Variants in CTNNA2 observed in about 807,000 individuals in gnomAD.
The protein encoded by CTNNA2 is catenin alpha 2.
A neutral mutation model predicts 101.0 loss-of-function variants in CTNNA2; 42 were observed. The ratio of observed to expected loss-of-function variants is 0.42; its 90% CI spans 0.32 to 0.54. The LOEUF is 0.54. Ranked by LOEUF, CTNNA2 falls within the 20% of genes least tolerant of loss-of-function variation. The probability of loss-of-function intolerance (pLI) is 0.14; values close to 1 mark genes in which losing one functional copy is unlikely to be tolerated. For synonymous variants in CTNNA2, 450 were observed against 456.4 expected, an observed-to-expected ratio of 0.99 and a Z score of 0.18; for missense variants, 871 against 1,223.1, an observed-to-expected ratio of 0.71 and a Z score of 4.29.
At chr2:80,494,310 G>A (rs994136796) in intron 9 of CTNNA2, among the ~76,000 whole-genome samples, 5 of 152,178 alleles carry the variant, frequency 3.3e-5, no homozygotes, top group Admixed American at 6.5e-5. Flanking sequence ...CACTGGACAG[G>A]AAGCACACAG....
At chr2:80,021,914 A>T (rs12473233) in intron 7 of CTNNA2, among the ~76,000 whole-genome samples, 38,608 of 152,080 alleles carry the variant, frequency 0.25, 6,000 homozygotes, top group East Asian at 0.67. Context: ...CTTTACATTA[A>T]TGAATTACTT....
chr2:80,448,938 A>T (rs939193676), intron 9 of CTNNA2, among the ~76,000 whole-genome samples: 3 of 151,948 alleles, frequency 2.0e-5, no homozygotes, highest in African/African-American at 4.8e-5. Context: ...AGGCATTCAC[A>T]CTCAAATTTC....
chr2:80,142,868 C>T (rs1169589010), intron 7 of CTNNA2, among the ~76,000 whole-genome samples: 1 of 151,100 alleles, frequency 6.6e-6, no homozygotes, highest in Non-Finnish European at 1.5e-5. Flanking sequence ...TAACAAAGGG[C>T]CATTGGATCA....
chr2:79,380,831 A>G (rs1325933970), intron 4 of CTNNA2, among the ~76,000 whole-genome samples: 2 of 152,176 alleles, frequency 1.3e-5, no homozygotes, highest in Non-Finnish European at 2.9e-5. Context: ...TTCTGCTATA[A>G]CATTGCTGTA....
intron 2 of CTNNA2, among the ~76,000 whole-genome samples, chr2:79,290,447 G>A (rs1675770266): frequency 6.6e-6 from 1 of 152,046 alleles, no homozygotes; most frequent in Non-Finnish European, 1.5e-5. Context: ...GGTGAGGACG[G>A]GCACTCCTGC....
At chr2:79,683,805 G>A (rs778095464) in intron 2 of CTNNA2, among the ~76,000 whole-genome samples, 11 of 152,206 alleles carry the variant, frequency 7.2e-5, no homozygotes, top group Non-Finnish European at 1.0e-4. Flanking sequence ...ACAGGCAAAG[G>A]CAACCAAGTC....
upstream of CTNNA2, among the ~76,000 whole-genome samples, chr2:79,509,983 G>A (rs1010873257): frequency 1.3e-5 from 2 of 152,228 alleles, no homozygotes; most frequent in Admixed American, 6.5e-5. Flanking sequence ...GGAGCTGACA[G>A]ACTGAATTAG....
chr2:80,046,931 A>G (rs1026163084), intron 7 of CTNNA2, among the ~76,000 whole-genome samples: 14 of 152,180 alleles, frequency 9.2e-5, no homozygotes, highest in African/African-American at 1.4e-4. Flanking sequence ...GATCAGCTGG[A>G]TAATTATTTT....
intron 14 of CTNNA2, among the ~76,000 whole-genome samples, chr2:80,587,038 T>G (rs1281828742): frequency 6.6e-6 from 1 of 152,114 alleles, no homozygotes; most frequent in Non-Finnish European, 1.5e-5. Context: ...AGTGGGTAAG[T>G]TGCATGGCCA....
intron 7 of CTNNA2, 74 bp from the exon 8 acceptor site, chr2:80,393,137 C>A: frequency 1.8e-6 from 2 of 1,122,900 alleles, no homozygotes; most frequent in Non-Finnish European, 2.5e-6. Context: ...TCATGTTTTC[C>A]TGATTTTTTT....
intron 8 of CTNNA2, among the ~76,000 whole-genome samples, chr2:80,393,863 G>T (rs752426141): frequency 2.6e-5 from 4 of 152,128 alleles, no homozygotes; most frequent in African/African-American, 7.2e-5. Context: ...AGAAATCTCC[G>T]GTCAGGGCCC....
At chr2:80,479,042 T>C (rs1685947203) in intron 9 of CTNNA2, among the ~76,000 whole-genome samples, 1 of 151,900 alleles carries the variant, frequency 6.6e-6, no homozygotes, top group Non-Finnish European at 1.5e-5. Context: ...GTGTCATCTA[T>C]AATTTCTTTC....
rs149986378 is a variant in CTNNA2, at chr2:79,809,425, A to G, written c.299-48588A>G. On this transcript the variant is annotated intron_variant, in intron 3 of 18. Coordinates refer to ENST00000402739, the MANE Select transcript of CTNNA2 (RefSeq NM_001282597.3). ...CCACTAACAGTGTAAAAGCATTCCT[A>G]TTTCTCCACATCCGCTCCAGCATCT... 2.1e-3 allele frequency among the ~76,000 whole-genome samples: 320 copies of G among 152,258 alleles called. 1 individual carries two copies. Among genetic ancestry groups the G allele is most frequent in the African/African-American group, 7.4e-3 (309 of 41,550 alleles).
chr2:79,580,713 G>T (rs981918784), intron 1 of CTNNA2, among the ~76,000 whole-genome samples: 1 of 152,124 alleles, frequency 6.6e-6, no homozygotes. Flanking sequence ...AATGTATGAA[G>T]ACAAGTGATC....
chr2:79,777,873 A>G (rs1263777183), intron 3 of CTNNA2, among the ~76,000 whole-genome samples: 1 of 150,758 alleles, frequency 6.6e-6, no homozygotes, highest in East Asian at 1.9e-4. Flanking sequence ...TCCACCAGTC[A>G]TAGATTTATT....
chr2:79,205,092 T>C (rs1001451079), intron 2 of CTNNA2, among the ~76,000 whole-genome samples: 2 of 152,242 alleles, frequency 1.3e-5, no homozygotes, highest in Admixed American at 1.3e-4. Context: ...GAAGCAGCAC[T>C]GCTGAATTAT....
chr2:80,577,814 C>T (rs1468155169), intron 13 of CTNNA2, among the ~76,000 whole-genome samples: 7 of 150,668 alleles, frequency 4.6e-5, no homozygotes, highest in Non-Finnish European at 2.9e-5. Context: ...GCTCTCCTGC[C>T]AACCTATATT....
At chr2:79,325,445 G>A (rs919819605) in intron 3 of CTNNA2, among the ~76,000 whole-genome samples, 11 of 152,066 alleles carry the variant, frequency 7.2e-5, no homozygotes, top group Non-Finnish European at 7.4e-5. Flanking sequence ...ATAGCATTTC[G>A]GGATTTCTTC....
chr2:79,850,406 TCTCCTTCTCTCC>T lies in CTNNA2; in HGVS notation c.299-7602_299-7591del, dbSNP rs199601527. Among the ~76,000 whole-genome samples, 433 of 109,484 alleles carry T rather than the reference TCTCCTTCTCTCC, an allele frequency of 4.0e-3. 9 individuals carry two copies. Among genetic ancestry groups the T allele is most frequent in the East Asian group, 0.036 (119 of 3,348 alleles). The allele number at this position is 109,484 out of a possible 152,430, so 71.8% of individuals were successfully genotyped here. On this transcript the variant is annotated intron_variant, in intron 3 of 18. Transcript: ENST00000402739. ...CTGTTTGTTTCTCCCTCCCTCCCTT[TCTCCTTCTCTCC>T]CTCCCTCTCTCCCTCCCTCCCTTCC...
Sources: allele counts gnomAD v4.1 joint callset (sites outside exome capture counted in the v4.1 genomes callset), GRCh38; gene constraint gnomAD v4.1.1; transcripts MANE v1.5; gene names NCBI Gene and HGNC (gene_info 2026-07-23, HGNC 2026-07-21).